Variants in DOCK7 observed in about 807,000 individuals in gnomAD.
DOCK7 encodes dedicator of cytokinesis 7.
DOCK7 carries 138 observed loss-of-function variants against 271.0 expected under a neutral mutation model. The observed-to-expected ratio is 0.51, with a 90% CI of 0.44 to 0.59. The LOEUF (loss-of-function observed/expected upper bound fraction) is 0.59, where lower values mean the gene tolerates loss of function less well. Ranked by LOEUF, DOCK7 falls within the 20% of genes least tolerant of loss-of-function variation. The pLI, the probability that DOCK7 is intolerant of heterozygous loss-of-function variation, is 0.00. For synonymous variants in DOCK7, 823 were observed against 876.1 expected (o/e 0.94, Z 1.07); for missense variants, 2,066 against 2,592.4 (o/e 0.80, Z 4.41).
chr1:62,601,104 AACCC>A, intron 14 of DOCK7: 1 of 1,606,424 alleles, frequency 6.2e-7, no homozygotes, highest in East Asian at 2.2e-5. Context: ...AGTATTCAAG[AACCC>A]ACAGAAATTT....
At chr1:62,594,427 A>G (rs1648923123) in intron 14 of DOCK7, among the ~76,000 whole-genome samples, 1 of 152,054 alleles carries the variant, frequency 6.6e-6, no homozygotes. Context: ...CTACGTGACC[A>G]TTACCTCTAC....
chr1:62,683,979 C>T lies in DOCK7; in HGVS notation c.38+4248G>A, dbSNP rs540030520. 1.5e-4 allele frequency among the ~76,000 whole-genome samples: 23 copies of T among 151,950 alleles called. No individual in the cohort carries two copies. In the South Asian group the frequency reaches 4.2e-3, roughly 27 times the overall value. On this transcript the variant is annotated intron_variant, in intron 1 of 49. Transcript: ENST00000635253. ...ATCAGGCTGAGCGAGGTGGCTTACG[C>T]CTGTAATCCTAGCACTTTGGGAGGC...
At chr1:62,519,121 A>G (rs1342398480) in intron 31 of DOCK7, among the ~76,000 whole-genome samples, 1 of 152,122 alleles carries the variant, frequency 6.6e-6, no homozygotes, top group East Asian at 1.9e-4. Context: ...AAAATTATAT[A>G]AAAGTGTTAA....
chr1:62,558,241 T>C (rs1400825544), intron 20 of DOCK7, among the ~76,000 whole-genome samples: 1 of 152,148 alleles, frequency 6.6e-6, no homozygotes, highest in Admixed American at 6.6e-5. Context: ...TTAATCTCCT[T>C]GGAATAATAT....
chr1:62,580,070 G>A (rs968378823), intron 16 of DOCK7, among the ~76,000 whole-genome samples: 4 of 152,218 alleles, frequency 2.6e-5, no homozygotes, highest in Middle Eastern at 6.8e-3. Context: ...GTATCTCTCA[G>A]AATTACATTC....
At position 62,685,951 on chromosome 1, in the gene DOCK7, T is replaced by G. The variant is rs138097302; in HGVS notation, c.38+2276A>C. On this transcript the variant is annotated intron_variant, in intron 1 of 49. Transcript: ENST00000635253. ...TAACTTCTTAGAAAGCTGTTCTTATTTGCATTTTGTGTTGTTTTGCACAAC... is the reference window on the plus strand; with the variant it reads ...TAACTTCTTAGAAAGCTGTTCTTATGTGCATTTTGTGTTGTTTTGCACAAC... Among the ~76,000 whole-genome samples the G allele has an allele frequency of 5.3e-3, 814 of 152,362 alleles. 12 individuals are homozygous for G. Among genetic ancestry groups the G allele is most frequent in the African/African-American group, 0.018 (767 of 41,582 alleles).
chr1:62,570,793 C>G (rs1403107203), intron 18 of DOCK7, among the ~76,000 whole-genome samples: 1 of 152,108 alleles, frequency 6.6e-6, no homozygotes, highest in Non-Finnish European at 1.5e-5. Context: ...CTGACAAAAA[C>G]AAGCAATGGG....
At chr1:62,681,369 A>C (rs7531579) in intron 1 of DOCK7, among the ~76,000 whole-genome samples, 45,113 of 127,778 alleles carry the variant, frequency 0.35, 7,569 homozygotes, top group South Asian at 0.44. Flanking sequence ...GGAACATCAC[A>C]CACCAGGGCC....
chr1:62,535,726 G>T, intron 28 of DOCK7, 94 bp from the exon 29 acceptor site: 1 of 1,297,592 alleles, frequency 7.7e-7, no homozygotes, highest in East Asian at 2.6e-5. Flanking sequence ...CTTTTTCCCA[G>T]GGTAGTTTAT....
chr1:62,494,653 A>G, intron 39 of DOCK7, 186 bp from the exon 40 acceptor site: 1 of 334,874 alleles, frequency 3.0e-6, no homozygotes, highest in Non-Finnish European at 5.3e-6. Flanking sequence ...GGAATGGATA[A>G]TATCAGTTGG....
chr1:62,526,708 T>G (rs1645020274), intron 31 of DOCK7, among the ~76,000 whole-genome samples: 1 of 152,146 alleles, frequency 6.6e-6, no homozygotes, highest in Non-Finnish European at 1.5e-5. Context: ...AAACAAACTT[T>G]GGTGTATCAA....
intron 7 of DOCK7, among the ~76,000 whole-genome samples, chr1:62,642,422 T>G (rs1439850978): frequency 6.6e-6 from 1 of 152,166 alleles, no homozygotes; most frequent in Non-Finnish European, 1.5e-5. Context: ...TTTTTCTAAG[T>G]GTTTTTCCAT....
Position 62,528,248 on chromosome 1 carries a change from T to A in DOCK7, c.3839A>T (p.Glu1280Val). Residue 1280 changes from glutamate to valine, a missense_variant, in exon 31 of 50, where the codon GAG becomes GTG. This residue lies in a region of DOCK7 where 1,414 missense variants were observed against 1,670.4 expected (regional missense o/e 0.85). Coordinates refer to ENST00000635253, the MANE Select transcript of DOCK7 (RefSeq NM_001367561.1). ...GGTCTGGCTTATCATACTTCCGCTC[T>A]CACTTTCATAATCATCAGTGGCTAT... ...ICIATDDYES[E>V]SGSMISQTVA... 2 of 1,613,708 alleles carry A rather than the reference T, an allele frequency of 1.2e-6. No homozygotes were observed. Among genetic ancestry groups the A allele is most frequent in the Non-Finnish European group, 1.7e-6 (2 of 1,179,818 alleles).
At chr1:62,678,582 T>A (rs562355440) in intron 1 of DOCK7, among the ~76,000 whole-genome samples, 42 of 152,174 alleles carry the variant, frequency 2.8e-4, no homozygotes, top group Non-Finnish European at 5.1e-4. Flanking sequence ...TGAATTAACA[T>A]ATAGATTCAA....
intron 1 of DOCK7, 63 bp downstream of exon 1, chr1:62,688,164 T>C: frequency 7.6e-7 from 1 of 1,315,240 alleles, no homozygotes; most frequent in Non-Finnish European, 9.7e-7. Context: ...AGGCCAGGCC[T>C]GGGAGGACTC....
intron 18 of DOCK7, among the ~76,000 whole-genome samples, chr1:62,572,429 T>C (rs769555495): frequency 9.5e-4 from 145 of 152,210 alleles, no homozygotes; most frequent in Non-Finnish European, 1.9e-3. Context: ...TATTCTCATT[T>C]TACAGATGAA....
chr1:62,462,735 T>C (rs1262682793), intron 48 of DOCK7, among the ~76,000 whole-genome samples: 1 of 152,142 alleles, frequency 6.6e-6, no homozygotes, highest in African/African-American at 2.4e-5. Context: ...AACTGATCCC[T>C]ACCTTGAACC....
At chr1:62,681,319 G>A (rs1439338582) in intron 1 of DOCK7, among the ~76,000 whole-genome samples, 1 of 149,292 alleles carries the variant, frequency 6.7e-6, no homozygotes, top group African/African-American at 2.5e-5. Flanking sequence ...CTCACTCATA[G>A]GTGGGAATTG....
chr1:62,535,903 CT>C (rs1402200384), intron 28 of DOCK7, among the ~76,000 whole-genome samples: 2 of 152,028 alleles, frequency 1.3e-5, no homozygotes, highest in African/African-American at 2.4e-5. Flanking sequence ...ATATTTTCCC[CT>C]TTATTCTCTT....
Sources: allele counts gnomAD v4.1 joint callset (sites outside exome capture counted in the v4.1 genomes callset), GRCh38; gene constraint gnomAD v4.1.1; regional missense constraint gnomAD v4.1.1; transcripts MANE v1.5; gene names NCBI Gene and HGNC (gene_info 2026-07-23, HGNC 2026-07-21).